CCDC150: variants seen among roughly 807,000 people sequenced by gnomAD.
CCDC150 encodes coiled-coil domain containing 150.
Under a neutral mutation model 156.5 loss-of-function variants are expected in CCDC150, and 151 were observed. The ratio of observed to expected loss-of-function variants is 0.97; its 90% CI spans 0.85 to 1.10. The LOEUF is 1.10. Among genes scored for constraint, CCDC150 ranks in the 50% least tolerant of loss-of-function variants. The pLI is 0.00. For synonymous variants in CCDC150, 452 were observed against 429.4 expected (o/e 1.05, Z -0.65); for missense variants, 1,312 against 1,268.1 (o/e 1.03, Z -0.53).
chr2:196,684,801 T>C (rs1695033598), intron 13 of CCDC150, among the ~76,000 whole-genome samples: 1 of 152,100 alleles, frequency 6.6e-6, no homozygotes. Flanking sequence ...TATAATGCCC[T>C]TTATCTCACC....
In CCDC150 at chr2:196,719,516, A is replaced by G. The variant is rs1697751312; in HGVS notation, c.2015A>G (p.Gln672Arg). 1.2e-6 allele frequency: 2 copies of G among 1,610,160 alleles called. No homozygotes were observed. The highest frequency in any genetic ancestry group is 1.7e-5 in the Admixed American group (1 of 59,112). The change falls in exon 19 of 28, where the codon CAA becomes CGA. Residue 672 changes from glutamine (Q) to arginine (R), a missense_variant. Coordinates refer to ENST00000389175, the MANE Select transcript of CCDC150 (RefSeq NM_001080539.2). ...ENKKVGNFQR[Q>R]LAEAKEDNCK... ...TGTTAGGTGGGAAACTTTCAGCGAC[A>G]ATTGGCAGAAGCTAAAGAAGACAAC...
At chr2:196,687,635 G>T (rs1695195824) in intron 13 of CCDC150, among the ~76,000 whole-genome samples, 1 of 152,084 alleles carries the variant, frequency 6.6e-6, no homozygotes, top group Non-Finnish European at 1.5e-5. Flanking sequence ...TGCTTTCGTT[G>T]CGATTGCTTT....
At chr2:196,718,703 G>A (rs1697693789) in intron 18 of CCDC150, 72 bp downstream of exon 18, 2 of 1,527,724 alleles carry the variant, frequency 1.3e-6, no homozygotes, top group Middle Eastern at 1.7e-4. Flanking sequence ...TGAGCCATAT[G>A]TTTCGCTTTC....
chr2:196,679,477 T>C (rs929131688), intron 13 of CCDC150, among the ~76,000 whole-genome samples: 6 of 152,250 alleles, frequency 3.9e-5, no homozygotes, highest in African/African-American at 1.4e-4. Flanking sequence ...TTCATCCATG[T>C]TGTGTGTCAG....
chr2:196,683,747 G>A (rs1694974684), intron 13 of CCDC150, among the ~76,000 whole-genome samples: 1 of 151,854 alleles, frequency 6.6e-6, no homozygotes, highest in Non-Finnish European at 1.5e-5. Flanking sequence ...CAGTAGTTTG[G>A]TTCTTTCTAG....
Position 196,720,658 on chromosome 2 carries a change from A to C in CCDC150, c.2249A>C (p.His750Pro). The C allele has an allele frequency of 6.2e-7, 1 of 1,613,732 alleles. No individual in the cohort carries two copies. The highest frequency in any genetic ancestry group is 1.1e-5 in the South Asian group (1 of 91,008). ...AGGATGCTTGTCATGGAGGACCAGCACAACAGTGAGGTTGGAGCCAGGCTT... is the reference window on the plus strand; with the variant it reads ...AGGATGCTTGTCATGGAGGACCAGCCCAACAGTGAGGTTGGAGCCAGGCTT... Reference protein sequence around the residue: ...QARMLVMEDQHNSEIESLQKA... With the variant: ...QARMLVMEDQPNSEIESLQKA... Residue 750 changes from histidine to proline, a missense_variant, in exon 20 of 28, where the codon CAC becomes CCC. Transcript: ENST00000389175.
At chr2:196,681,052 A>C (rs574301758) in intron 13 of CCDC150, among the ~76,000 whole-genome samples, 2 of 152,280 alleles carry the variant, frequency 1.3e-5, no homozygotes, top group South Asian at 4.1e-4. Flanking sequence ...CTCTGTCTAG[A>C]TTCAAAATAT....
chr2:196,724,607 A>G (rs1559279089), intron 21 of CCDC150, among the ~76,000 whole-genome samples: 1 of 152,128 alleles, frequency 6.6e-6, no homozygotes, highest in African/African-American at 2.4e-5. Context: ...AAGGTGGTGT[A>G]CCATACTCAA....
intron 15 of CCDC150, among the ~76,000 whole-genome samples, chr2:196,708,626 T>A (rs1329215050): frequency 6.6e-6 from 1 of 152,202 alleles, no homozygotes; most frequent in African/African-American, 2.4e-5. Context: ...ATTTGGCATG[T>A]TTTTGCAGTG....
chr2:196,672,683 A>T (rs748762164), intron 9 of CCDC150, among the ~76,000 whole-genome samples: 1 of 152,196 alleles, frequency 6.6e-6, no homozygotes, highest in African/African-American at 2.4e-5. Context: ...ACTAGTTTAC[A>T]CTTTGCCTTT....
In CCDC150 at chr2:196,654,928, A is replaced by G. The variant is rs370830704; in HGVS notation, c.177-1705A>G. ...TAATGTATCTCTCAAATCTCTGTGT[A>G]CAATCTGATATCTCTGTTTTTGGTG... On this transcript the variant is annotated intron_variant, in intron 2 of 27. Transcript: ENST00000389175. Among the ~76,000 whole-genome samples, 70 of 152,306 alleles carry G rather than the reference A, an allele frequency of 4.6e-4. No individual in the cohort carries two copies. The South Asian group carries it at 0.014, about 30-fold the overall frequency.
At chr2:196,658,255 T>A (rs144066798) in intron 4 of CCDC150, among the ~76,000 whole-genome samples, 11 of 151,530 alleles carry the variant, frequency 7.3e-5, no homozygotes, top group South Asian at 2.1e-4. Flanking sequence ...GAATGTTCTG[T>A]AAAAAAAAGG....
intron 18 of CCDC150, 70 bp downstream of exon 18, chr2:196,718,701 A>G (rs1270008492): frequency 6.5e-7 from 1 of 1,535,320 alleles, no homozygotes; most frequent in Non-Finnish European, 8.8e-7. Flanking sequence ...CATGAGCCAT[A>G]TGTTTCGCTT....
chr2:196,720,522 A>T, intron 19 of CCDC150, 53 bp from the exon 20 acceptor site: 1 of 1,450,610 alleles, frequency 6.9e-7, no homozygotes, highest in Non-Finnish European at 9.6e-7. Context: ...AAATGGTATC[A>T]TTCCTACACG....
intron 18 of CCDC150, 104 bp from the exon 19 acceptor site, chr2:196,719,393 T>G: frequency 2.3e-6 from 2 of 855,216 alleles, no homozygotes; most frequent in Non-Finnish European, 3.4e-6. Context: ...CTACTGTGTC[T>G]GCTTGTCTGC....
At position 196,732,479 on chromosome 2, in the gene CCDC150, C is replaced by G; in HGVS notation, c.3223C>G (p.Gln1075Glu). 1 of 1,613,642 alleles carries G rather than the reference C, an allele frequency of 6.2e-7. No individual in the cohort carries two copies. The highest frequency in any genetic ancestry group is 8.5e-7 in the Non-Finnish European group (1 of 1,179,682). Residue 1075 changes from glutamine to glutamate, a missense_variant, in exon 28 of 28, where the codon CAA (glutamine) becomes GAA (glutamate). Coordinates refer to ENST00000389175, the MANE Select transcript of CCDC150 (RefSeq NM_001080539.2). ...TGTAAAACATGATGTCATGTCCAAC[C>G]AATCTGTTCTGCATCGATGGGAGAG... ...QDVKHDVMSNQSVLHRWERKQ... is the reference protein window; with the variant it reads ...QDVKHDVMSNESVLHRWERKQ...
chr2:196,713,232 T>C, intron 17 of CCDC150: 3 of 1,286,062 alleles, frequency 2.3e-6, no homozygotes, highest in Non-Finnish European at 3.0e-6. Context: ...GAGAAACACA[T>C]TTTCAATATA....
rs973747657 is a variant in CCDC150 at position 196,688,530 on chromosome 2, C to T, written c.1510-6516C>T. 5.8e-4 allele frequency among the ~76,000 whole-genome samples: 89 copies of T among 152,142 alleles called. 1 individual carries two copies. The highest frequency in any genetic ancestry group is 1.6e-4 in the Non-Finnish European group (11 of 68,020). On this transcript the variant is annotated intron_variant, in intron 13 of 27. Coordinates refer to ENST00000389175, the MANE Select transcript of CCDC150 (RefSeq NM_001080539.2). ...ATAGGGTTTTTGAGATATAGGATCG[C>T]ATAAATGTCTTCCTTTGAGAAGTGT...
Position 196,716,233 on chromosome 2 carries a change from A to G in CCDC150, c.1867-2270A>G, listed in dbSNP as rs548332207. Among the ~76,000 whole-genome samples, 5 of 152,348 alleles carry G rather than the reference A, an allele frequency of 3.3e-5. No homozygotes were observed. The South Asian group carries it at 8.3e-4, about 25-fold the overall frequency. ...TTTAAAAGCGAAACATACTACCACC[A>G]TATGACCCAGTCAGTGCACTACTAA... On this transcript the variant is annotated intron_variant, in intron 17 of 27. Coordinates refer to ENST00000389175, the MANE Select transcript of CCDC150 (RefSeq NM_001080539.2).
Sources: allele counts gnomAD v4.1 joint callset (sites outside exome capture counted in the v4.1 genomes callset), GRCh38; gene constraint gnomAD v4.1.1; transcripts MANE v1.5; gene names NCBI Gene and HGNC (gene_info 2026-07-23, HGNC 2026-07-21).